Variants in SLC2A8 observed in about 807,000 individuals in gnomAD.
SLC2A8 encodes the protein solute carrier family 2 member 8.
Under a neutral mutation model 49.2 loss-of-function variants are expected in SLC2A8, and 53 were observed. The observed-to-expected ratio is 1.08, with a 90% CI of 0.86 to 1.35. The LOEUF is 1.35. Ranked by LOEUF, SLC2A8 falls within the 40% of genes most tolerant of loss-of-function variation. The probability of loss-of-function intolerance (pLI) is 0.00; values close to 1 mark genes in which losing one functional copy is unlikely to be tolerated. For synonymous variants in SLC2A8, 299 were observed against 297.0 expected (o/e 1.01, Z -0.07); for missense variants, 688 against 671.7 (o/e 1.02, Z -0.27).
At position 127,404,809 on chromosome 9, in the gene SLC2A8, C is replaced by T. The variant is rs748698911; in HGVS notation, c.977-9C>T. 20 of 1,604,470 alleles carry T rather than the reference C, an allele frequency of 1.2e-5. No individual in the cohort carries two copies. Among genetic ancestry groups the T allele is most frequent in the South Asian group, 2.2e-5 (2 of 90,796 alleles). ...GGTGCCCCGCCCACTGCCGCCCTCC[C>T]GCCTGCAGGTGTGGTCATGGTGTTC... On this transcript the variant is annotated splice_polypyrimidine_tract_variant and intron_variant, in intron 7 of 9. Coordinates refer to ENST00000373371, the MANE Select transcript of SLC2A8 (RefSeq NM_014580.5).
chr9:127,398,083 C>T lies in SLC2A8; in HGVS notation c.398C>T (p.Ala133Val). Reference protein sequence around the residue: ...LLGGRLLTGLACGVASLVAPV... With the variant: ...LLGGRLLTGLVCGVASLVAPV... ...GGGGGCCGCCTCCTCACCGGCCTGGCCTGCGGTGTTGCCTCCCTAGTGGCC... is the reference window on the plus strand; with the variant it reads ...GGGGGCCGCCTCCTCACCGGCCTGGTCTGCGGTGTTGCCTCCCTAGTGGCC... Residue 133 changes from alanine (A) to valine (V), a missense_variant, in exon 3 of 10, where the codon GCC (alanine) becomes GTC (valine). Transcript: ENST00000373371. 1 of 1,585,168 alleles carries T rather than the reference C, an allele frequency of 6.3e-7. No homozygotes were observed. Among genetic ancestry groups the T allele is most frequent in the Non-Finnish European group, 8.5e-7 (1 of 1,170,656 alleles).
In SLC2A8 at chr9:127,404,807, C is replaced by G. The variant is rs1373687385; in HGVS notation, c.977-11C>G. ...CGGGTGCCCCGCCCACTGCCGCCCT[C>G]CCGCCTGCAGGTGTGGTCATGGTGT... On this transcript the variant is annotated splice_polypyrimidine_tract_variant and intron_variant, in intron 7 of 9. Transcript: ENST00000373371. 1 of 1,604,348 alleles carries G rather than the reference C, an allele frequency of 6.2e-7. No homozygotes were observed. The highest frequency in any genetic ancestry group is 1.1e-5 in the South Asian group (1 of 90,760).
At chr9:127,406,015 T>A (rs1833479117) in intron 9 of SLC2A8, 1 of 520,560 alleles carries the variant, frequency 1.9e-6, no homozygotes, top group African/African-American at 1.9e-5. Context: ...GATGGGAGCA[T>A]TAATTCAGTT....
In SLC2A8 at chr9:127,407,099, C is replaced by CCT. The variant is rs1299526409; in HGVS notation, c.1297-6_1297-5dup. The CCT allele has an allele frequency of 6.2e-7, 1 of 1,612,624 alleles. No homozygotes were observed. The highest frequency in any genetic ancestry group is 1.7e-5 in the Admixed American group (1 of 60,020). On this transcript the variant is annotated splice_polypyrimidine_tract_variant and intron_variant, in intron 9 of 9. Transcript: ENST00000373371. ...CTCCCCGCGTCCACCCATGGCCTTTCCTCTCTCTGCAGGAGGTCCTCAGGC... is the reference window on the plus strand; with the variant it reads ...CTCCCCGCGTCCACCCATGGCCTTTCCTCTCTCTCTGCAGGAGGTCCTCAGGC...
rs1354619785 is a variant in SLC2A8, at chr9:127,407,266, G to T, written c.*17G>T. On this transcript the variant is annotated 3_prime_UTR_variant, in exon 10 of 10. Transcript: ENST00000373371. Reference sequence around the variant, plus strand: ...GGGCGATGACAGCCACTCACTAGGGGATGGAGCAAGCCTGTGACTCCAAGC... The same window carrying T: ...GGGCGATGACAGCCACTCACTAGGGTATGGAGCAAGCCTGTGACTCCAAGC... 4 of 1,612,670 alleles carry T rather than the reference G, an allele frequency of 2.5e-6. No individual in the cohort carries two copies. Among genetic ancestry groups the T allele is most frequent in the Non-Finnish European group, 3.4e-6 (4 of 1,179,926 alleles).
In SLC2A8 at chr9:127,407,138, C is replaced by T; in HGVS notation, c.1323C>T (p.Phe441=). Residue 441 remains phenylalanine (F), a synonymous_variant, in exon 10 of 10, where the codon TTC becomes TTT. Transcript: ENST00000373371. ...AGGTCCTCAGGCCCTATGGAGCCTTCTGGCTTGCCTCCGCTTTCTGCATCT... is the reference window on the plus strand; with the variant it reads ...AGGTCCTCAGGCCCTATGGAGCCTTTTGGCTTGCCTCCGCTTTCTGCATCT... The part of the protein sequence containing the change: ...LMEVLRPYGA[F]WLASAFCIFS... 6.2e-7 allele frequency: 1 copy of T among 1,613,644 alleles called. No individual in the cohort carries two copies. Among genetic ancestry groups the T allele is most frequent in the South Asian group, 1.1e-5 (1 of 91,088 alleles).
chr9:127,402,725 G>A lies in SLC2A8; in HGVS notation c.695G>A (p.Trp232Ter). ...TTCCTGTGGGGCTCCGAGCAGGGCT[G>A]GGAAGACCCCCCCATCGGGGCTGAG... ...LRFLWGSEQG[W>*]EDPPIGAEQS... Residue 232 changes from tryptophan to a stop codon, truncating the protein, a stop_gained, in exon 5 of 10, where the codon TGG (tryptophan) becomes TAG (stop). Transcript: ENST00000373371. LOFTEE classifies it high-confidence loss of function. The A allele has an allele frequency of 1.9e-6, 3 of 1,553,386 alleles. No individual in the cohort carries two copies. Among genetic ancestry groups the A allele is most frequent in the Non-Finnish European group, 2.6e-6 (3 of 1,149,532 alleles).
chr9:127,398,335 G>A (rs907469877), intron 3 of SLC2A8: 8 of 779,050 alleles, frequency 1.0e-5, no homozygotes, highest in Admixed American at 5.1e-5. Flanking sequence ...TCTCGGAAAG[G>A]TGAAGTCCTT....
In SLC2A8 at chr9:127,397,536, G is replaced by C. The variant is rs1222817504; in HGVS notation, c.217G>C (p.Gly73Arg). The C allele has an allele frequency of 1.4e-6, 2 of 1,408,974 alleles. No homozygotes were observed. Among genetic ancestry groups the C allele is most frequent in the South Asian group, 1.5e-5 (1 of 65,118 alleles). The allele number at this position is 1,408,974 out of a possible 1,614,324, so 87.3% of individuals were successfully genotyped here. A position where few individuals can be genotyped will look rare whatever the true frequency, so the allele number is the denominator to read the frequency against. The change falls in exon 2 of 10, where the codon GGG becomes CGG. Residue 73 changes from glycine to arginine, a missense_variant and splice_region_variant. Gly to Arg is a moderately radical substitution (Grantham distance 125, BLOSUM62 -2). Coordinates refer to ENST00000373371, the MANE Select transcript of SLC2A8 (RefSeq NM_014580.5). ...GGACGACGCCGCCGCCTCCTGGTTC[G>C]GGGTGAGGCCCCGGGCTCGCTCCTC... ...RLDDAAASWF[G>R]AVVTLGAAAG... is the part of the protein sequence containing the mutation.
Position 127,404,052 on chromosome 9 carries a change from C to T in SLC2A8, c.961C>T (p.Leu321Phe), listed in dbSNP as rs1186198192. Reference sequence around the variant, plus strand: ...CATGGACAGAGCAGGGCGGAGGCTGCTCCTGGTCTTGTCAGGTGAGGGTTC... The same window carrying T: ...CATGGACAGAGCAGGGCGGAGGCTGTTCCTGGTCTTGTCAGGTGAGGGTTC... ...LIMDRAGRRL[L>F]LVLSGVVMVF... Residue 321 changes from leucine (L) to phenylalanine (F), a missense_variant, in exon 7 of 10, where the codon CTC (leucine) becomes TTC (phenylalanine). By Grantham distance (22) the Leu-to-Phe change is conservative (BLOSUM62 0). Transcript: ENST00000373371. The T allele has an allele frequency of 6.3e-7, 1 of 1,596,314 alleles. No individual in the cohort carries two copies. Among genetic ancestry groups the T allele is most frequent in the Non-Finnish European group, 8.6e-7 (1 of 1,166,826 alleles).
chr9:127,406,180 G>C, intron 9 of SLC2A8: 1 of 451,302 alleles, frequency 2.2e-6, no homozygotes, highest in Non-Finnish European at 4.4e-6. Flanking sequence ...GCCATGTCCA[G>C]GCCCATTCAA....
In SLC2A8 at chr9:127,404,908, C is replaced by T. The variant is rs768388435; in HGVS notation, c.1067C>T (p.Ser356Leu). ...GGCAACTCCTCGCACGTGGCCATCTCGGCGCCTGTCTCTGCACAGCCTGTT... is the reference window on the plus strand; with the variant it reads ...GGCAACTCCTCGCACGTGGCCATCTTGGCGCCTGTCTCTGCACAGCCTGTT... ...GPGNSSHVAISAPVSAQPVDA... is the reference protein window; with the variant it reads ...GPGNSSHVAILAPVSAQPVDA... The change falls in exon 8 of 10, where the codon TCG becomes TTG. Residue 356 changes from serine (S) to leucine (L), a missense_variant. Physicochemically the swap from Ser to Leu is moderately radical, Grantham distance 145 (BLOSUM62 -2). Coordinates refer to ENST00000373371, the MANE Select transcript of SLC2A8 (RefSeq NM_014580.5). 3.7e-6 allele frequency: 6 copies of T among 1,612,628 alleles called. No homozygotes were observed. Among genetic ancestry groups the T allele is most frequent in the Non-Finnish European group, 5.1e-6 (6 of 1,179,864 alleles).
At position 127,399,210 on chromosome 9, in the gene SLC2A8, G is replaced by A. The variant is rs1178531032; in HGVS notation, c.427-697G>A. ...AGCGTGGGCCCTGGGCTAGGATCCT[G>A]GGTGGGCGTCACGTGGAGCTGGTTA... On this transcript the variant is annotated intron_variant, in intron 3 of 9. Coordinates refer to ENST00000373371, the MANE Select transcript of SLC2A8 (RefSeq NM_014580.5). The surrounding 1 kb of genome is among the most constrained non-coding windows in gnomAD (Gnocchi z 4.2). 6.6e-6 allele frequency among the ~76,000 whole-genome samples: 1 copy of A among 152,214 alleles called. No individual in the cohort carries two copies. Among genetic ancestry groups the A allele is most frequent in the African/African-American group, 2.4e-5 (1 of 41,446 alleles).
rs7853132 is a variant in SLC2A8, at chr9:127,407,368, C to T, written c.*119C>T. On this transcript the variant is annotated 3_prime_UTR_variant, in exon 10 of 10. Coordinates refer to ENST00000373371, the MANE Select transcript of SLC2A8 (RefSeq NM_014580.5). The stretch of plus-strand genomic sequence containing the variant: ...CCTTGGAGCCTTGGTCTGCAGGGTC[C>T]CTCCTTCCTGTCATGCTCCCTCCAG... The T allele has an allele frequency of 7.7e-3, 10,083 of 1,301,110 alleles. 588 individuals are homozygous for T. In the African/African-American group the frequency reaches 0.13, roughly 16 times the overall value. 80.6% of individuals were successfully genotyped at this position (1,301,110 alleles called of 1,614,324 possible). A position where few individuals can be genotyped will look rare whatever the true frequency, so the allele number is the denominator to read the frequency against.
Position 127,397,184 on chromosome 9 carries a change from G to T in SLC2A8, c.-47G>T, listed in dbSNP as rs1458201156. The T allele has an allele frequency of 4.2e-6, 6 of 1,441,224 alleles. No individual in the cohort carries two copies. The highest frequency in any genetic ancestry group is 6.1e-5 in the East Asian group (2 of 33,000). The allele number at this position is 1,441,224 out of a possible 1,614,324, so 89.3% of individuals were successfully genotyped here. A position where few individuals can be genotyped will look rare whatever the true frequency, so the allele number is the denominator to read the frequency against. ...GGTGCGGGCCGCACTCGCAGGGCCC[G>T]TGGCGGTTCAGGCGCCAGAGCTGGC... On this transcript the variant is annotated 5_prime_UTR_variant, in exon 1 of 10. Coordinates refer to ENST00000373371, the MANE Select transcript of SLC2A8 (RefSeq NM_014580.5).
At chr9:127,403,520 G>T in intron 5 of SLC2A8, 140 bp from the exon 6 acceptor site, 1 of 973,388 alleles carries the variant, frequency 1.0e-6, no homozygotes, top group South Asian at 1.5e-5. Flanking sequence ...CTGCACACCT[G>T]AGGACACAGG....
intron 5 of SLC2A8, 98 bp downstream of exon 5, chr9:127,402,851 C>T (rs998397500): frequency 1.5e-6 from 2 of 1,364,230 alleles, no homozygotes; most frequent in Middle Eastern, 2.6e-4. Context: ...GGGTGGGGGA[C>T]AGGGAGGTGC....
Position 127,402,691 on chromosome 9 carries a change from G to A in SLC2A8, c.661G>A (p.Ala221Thr), listed in dbSNP as rs748831252. The A allele has an allele frequency of 9.6e-6, 15 of 1,567,656 alleles. No individual in the cohort carries two copies. Among genetic ancestry groups the A allele is most frequent in the Admixed American group, 3.8e-5 (2 of 53,200 alleles). ...GCACAGGCGCCAGGAGGCCATGGCC[G>A]CCCTGCGGTTCCTGTGGGGCTCCGA... Reference protein sequence around the residue: ...TQHRRQEAMAALRFLWGSEQG... With the variant: ...TQHRRQEAMATLRFLWGSEQG... Residue 221 changes from alanine to threonine, a missense_variant, in exon 5 of 10, where the codon GCC becomes ACC. By Grantham distance (58) the Ala-to-Thr change is moderately conservative. Coordinates refer to ENST00000373371, the MANE Select transcript of SLC2A8 (RefSeq NM_014580.5).
At chr9:127,404,318 C>T (rs1042826270) in intron 7 of SLC2A8, 15 of 419,214 alleles carry the variant, frequency 3.6e-5, no homozygotes, top group East Asian at 2.5e-4. Flanking sequence ...CAGCTTATGA[C>T]GGGAAAACTG....
Sources: allele counts gnomAD v4.1 joint callset (sites outside exome capture counted in the v4.1 genomes callset), GRCh38; gene constraint gnomAD v4.1.1; non-coding constraint Gnocchi (gnomAD v3.1); transcripts MANE v1.5; gene names NCBI Gene and HGNC (gene_info 2026-07-23, HGNC 2026-07-21).